LRRC4B: variants seen among roughly 807,000 people sequenced by gnomAD.
The protein encoded by LRRC4B is leucine rich repeat containing 4B, also known as leucine-rich repeat-containing protein 4B.
Under a neutral mutation model 7.3 loss-of-function variants are expected in LRRC4B, and 1 was observed. The ratio of observed to expected loss-of-function variants is 0.14; its 90% CI spans 0.05 to 0.65. LRRC4B has a LOEUF of 0.65. Ranked by LOEUF, LRRC4B falls within the 30% of genes least tolerant of loss-of-function variation. The pLI is 0.84. For missense variants in LRRC4B, 730 were observed against 1,041.6 expected (o/e 0.70, Z 4.12); for synonymous variants, 500 against 499.2 (o/e 1.00, Z -0.02).
chr19:50,525,679 C>T (rs996451352), intron 2 of LRRC4B, among the ~76,000 whole-genome samples: 10 of 151,726 alleles, frequency 6.6e-5, no homozygotes, highest in African/African-American at 2.4e-4. Flanking sequence ...CTCGGCCTCC[C>T]AAAGTGCCGG....
chr19:50,559,992 G>A (rs1177360049), intron 1 of LRRC4B, among the ~76,000 whole-genome samples: 1 of 152,132 alleles, frequency 6.6e-6, no homozygotes, highest in East Asian at 1.9e-4. Flanking sequence ...AAAATTAGCT[G>A]GGCGTGGAGG....
At chr19:50,564,647 G>A (rs557423448) in intron 1 of LRRC4B, among the ~76,000 whole-genome samples, 159 of 152,106 alleles carry the variant, frequency 1.0e-3, no homozygotes, top group African/African-American at 3.5e-3. Flanking sequence ...ATGGAGAGGC[G>A]AGACGGCTTG....
intron 2 of LRRC4B, among the ~76,000 whole-genome samples, chr19:50,534,051 C>T (rs569599685): frequency 6.6e-5 from 10 of 152,282 alleles, no homozygotes; most frequent in African/African-American, 2.4e-4. Context: ...TTGTTTCGCT[C>T]ATTTGACAGG....
intron 2 of LRRC4B, among the ~76,000 whole-genome samples, chr19:50,545,516 G>A (rs1405903621): frequency 6.6e-6 from 1 of 151,670 alleles, no homozygotes; most frequent in Admixed American, 6.6e-5. Context: ...GGGAAGTTAA[G>A]GCTGCAGGGA....
At chr19:50,559,000 C>T (rs1012251077) in intron 1 of LRRC4B, among the ~76,000 whole-genome samples, 38 of 152,332 alleles carry the variant, frequency 2.5e-4, no homozygotes, top group African/African-American at 7.9e-4. Context: ...ATTCAGTCCC[C>T]GCAAGGGGCC....
chr19:50,538,454 C>T (rs1981389471), intron 2 of LRRC4B, among the ~76,000 whole-genome samples: 1 of 152,144 alleles, frequency 6.6e-6, no homozygotes, highest in Non-Finnish European at 1.5e-5. Flanking sequence ...GGATCAGCCG[C>T]CTGGAAAATG....
chr19:50,524,240 ATGTT>A (rs58241323), intron 2 of LRRC4B, among the ~76,000 whole-genome samples: 6,998 of 151,960 alleles, frequency 0.046, 531 homozygotes, highest in African/African-American at 0.16. Flanking sequence ...CACGTGTGTA[ATGTT>A]TGTTTGGTTG....
At chr19:50,533,470 A>AGACCAAAGAC (rs1981138573) in intron 2 of LRRC4B, among the ~76,000 whole-genome samples, 1 of 145,386 alleles carries the variant, frequency 6.9e-6, no homozygotes, top group African/African-American at 2.8e-5. Context: ...AATAATACAA[A>AGACCAAAGAC]TACCAAAGAC....
At chr19:50,552,970 C>G (rs1411496529) in intron 1 of LRRC4B, among the ~76,000 whole-genome samples, 1 of 152,216 alleles carries the variant, frequency 6.6e-6, no homozygotes, top group Non-Finnish European at 1.5e-5. Context: ...TAACCTCGGG[C>G]CGGTGGCTTA....
chr19:50,552,351 C>T (rs924859732), intron 1 of LRRC4B, among the ~76,000 whole-genome samples: 3 of 151,982 alleles, frequency 2.0e-5, no homozygotes, highest in African/African-American at 7.3e-5. Context: ...CCTGATATAC[C>T]GGCACTGGAA....
intron 2 of LRRC4B, among the ~76,000 whole-genome samples, chr19:50,546,683 A>G (rs1354713988): frequency 6.6e-6 from 1 of 152,074 alleles, no homozygotes; most frequent in Non-Finnish European, 1.5e-5. Context: ...AAATGAATGT[A>G]CGTCCGCTGG....
At chr19:50,545,179 G>A (rs970067076) in intron 2 of LRRC4B, among the ~76,000 whole-genome samples, 3 of 151,304 alleles carry the variant, frequency 2.0e-5, no homozygotes, top group East Asian at 1.9e-4. Context: ...AGTCCGAGGC[G>A]GGCAGATCAT....
At position 50,548,880 on chromosome 19, in the gene LRRC4B, GT is replaced by G; in HGVS notation, c.-35-8del. 7.4e-7 allele frequency: 1 copy of G among 1,350,350 alleles called. No homozygotes were observed. Among genetic ancestry groups the G allele is most frequent in the Non-Finnish European group, 9.8e-7 (1 of 1,021,022 alleles). The allele number at this position is 1,350,350 out of a possible 1,614,324, so 83.6% of individuals were successfully genotyped here. On this transcript the variant is annotated splice_polypyrimidine_tract_variant and splice_region_variant and intron_variant, in intron 1 of 2. Transcript: ENST00000652263. This position sits in a 1 kb window ranked among gnomAD's most constrained non-coding sequence, Gnocchi z 6.8. Reference sequence around the variant, plus strand: ...CCGCGTGGACGCTGGGGGGCTGTGGGTGGGGGAGAGAAGGGGGAGAGGCTTG... The same window carrying G: ...CCGCGTGGACGCTGGGGGGCTGTGGGGGGGGAGAGAAGGGGGAGAGGCTTG...
intron 1 of LRRC4B, among the ~76,000 whole-genome samples, chr19:50,552,043 CG>C (rs1311390608): frequency 6.6e-6 from 1 of 151,966 alleles, no homozygotes; most frequent in East Asian, 1.9e-4. Context: ...CGAGGAAGGT[CG>C]GGGGAAGCGG....
rs778898422 is a variant in LRRC4B at position 50,518,570 on chromosome 19, G to A, written c.1143C>T (p.Ala381=). The change falls in exon 3 of 3, where the codon GCC becomes GCT. Residue 381 remains alanine, a synonymous_variant. Coordinates refer to ENST00000652263, the MANE Select transcript of LRRC4B (RefSeq NM_001080457.2). ...AGGTGCCCGTGCGGCATTTGAGCTC[G>A]GCAGCCATGCCCTCGGTGACGTTGA... is the stretch of plus-strand genomic sequence containing the variant. ...TDLNVTEGMA[A]ELKCRTGTSM... is the part of the protein sequence containing the mutation. 5.7e-6 allele frequency: 9 copies of A among 1,591,470 alleles called. No individual in the cohort carries two copies. Among genetic ancestry groups the A allele is most frequent in the Non-Finnish European group, 7.7e-6 (9 of 1,166,386 alleles).
rs570803242 is a variant in LRRC4B at position 50,555,772 on chromosome 19, T to C, written c.-35-6899A>G. ...GTTCCTGTCAGGCGCACTCATTTTT[T>C]GGGGTGGGGTGGGGGGCTAAATTCA... On this transcript the variant is annotated intron_variant, in intron 1 of 2. Coordinates refer to ENST00000652263, the MANE Select transcript of LRRC4B (RefSeq NM_001080457.2). This position sits in a 1 kb window ranked among gnomAD's most constrained non-coding sequence, Gnocchi z 5.2. The C allele has an allele frequency of 3.4e-5, 5 of 149,082 alleles. No homozygotes were observed. The East Asian group carries it at 9.8e-4, about 29-fold the overall frequency. 9.2% of individuals were successfully genotyped at this position (149,082 alleles called of 1,614,324 possible).
chr19:50,568,194 C>G lies in LRRC4B; in HGVS notation c.-286G>C, dbSNP rs911561591. 2.6e-5 allele frequency: 4 copies of G among 153,502 alleles called. No individual in the cohort carries two copies. Among genetic ancestry groups the G allele is most frequent in the African/African-American group, 9.7e-5 (4 of 41,356 alleles). The allele number at this position is 153,502 out of a possible 1,614,324, so 9.5% of individuals were successfully genotyped here. ...TCCTCGCCTCGCGCCCGCCTGCCGT[C>G]CGGCCCCGCGCCCTCGCCCGCCGCC... On this transcript the variant is annotated 5_prime_UTR_variant, in exon 1 of 3. Transcript: ENST00000652263.
Position 50,548,574 on chromosome 19 carries a change from G to A in LRRC4B, c.265C>T (p.Arg89Trp). The part of the protein sequence containing the change: ...EVPASIPVNT[R>W]YLNLQENGIQ... ...CCGTTCTCTTGCAGGTTCAGGTACC[G>A]CGTGTTGACCGGGATGCTGGCTGGG... The change falls in exon 2 of 3, where the codon CGG becomes TGG. Residue 89 changes from arginine to tryptophan, a missense_variant. Transcript: ENST00000652263. The surrounding 1 kb of genome is among the most constrained non-coding windows in gnomAD (Gnocchi z 6.8). 6.2e-7 allele frequency: 1 copy of A among 1,601,846 alleles called. No homozygotes were observed. The highest frequency in any genetic ancestry group is 8.5e-7 in the Non-Finnish European group (1 of 1,178,552).
Position 50,519,424 on chromosome 19 carries a change from A to G in LRRC4B, c.298-9T>C. On this transcript the variant is annotated splice_polypyrimidine_tract_variant and intron_variant, in intron 2 of 2. Transcript: ENST00000652263. The surrounding 1 kb of genome is among the most constrained non-coding windows in gnomAD (Gnocchi z 8.1). ...GTGTCCGTCCGGATCACCTGGGGAG[A>G]GGGAGACACGGATCAGTCACGGAGA... 6.4e-7 allele frequency: 1 copy of G among 1,573,822 alleles called. No homozygotes were observed. Among genetic ancestry groups the G allele is most frequent in the Non-Finnish European group, 8.6e-7 (1 of 1,163,672 alleles).
Sources: allele counts gnomAD v4.1 joint callset (sites outside exome capture counted in the v4.1 genomes callset), GRCh38; gene constraint gnomAD v4.1.1; non-coding constraint Gnocchi (gnomAD v3.1); transcripts MANE v1.5; gene names NCBI Gene and HGNC (gene_info 2026-07-23, HGNC 2026-07-21).